The following NXF3 variants were observed in gnomAD, a reference collection of about 807,000 sequenced individuals.
NXF3 encodes the protein nuclear RNA export factor 3.
NXF3 carries 34 observed loss-of-function variants against 48.4 expected under a neutral mutation model. The observed-to-expected ratio is 0.70, with a 90% CI of 0.53 to 0.93. The LOEUF (loss-of-function observed/expected upper bound fraction) is 0.93, where lower values mean the gene tolerates loss of function less well. Ranked by LOEUF, NXF3 falls within the 40% of genes least tolerant of loss-of-function variation. The probability of loss-of-function intolerance (pLI) is 0.00; values close to 1 mark genes in which losing one functional copy is unlikely to be tolerated. For synonymous variants in NXF3, 132 were observed against 145.7 expected, an observed-to-expected ratio of 0.91 and a Z score of 0.68; for missense variants, 359 against 406.1, an observed-to-expected ratio of 0.88 and a Z score of 1.00.
At chrX:103,090,413 G>A (rs1467401194) in intron 1 of NXF3, among the ~76,000 whole-genome samples, 4 of 111,953 alleles carry the variant, frequency 3.6e-5, no homozygotes, top group Non-Finnish European at 5.6e-5. Flanking sequence ...AAATAGAACT[G>A]TTATGATTTG....
At chrX:103,091,115 ACT>A (rs932272770) in intron 1 of NXF3, among the ~76,000 whole-genome samples, 1 of 111,787 alleles carries the variant, frequency 8.9e-6, no homozygotes, top group Admixed American at 9.5e-5. Flanking sequence ...TGTTTTATAT[ACT>A]CTTTTTCCCG....
At chrX:103,084,291 T>A in intron 3 of NXF3, 51 bp downstream of exon 3, 3 of 1,187,335 alleles carry the variant, frequency 2.5e-6, no homozygotes, top group Non-Finnish European at 3.4e-6. Flanking sequence ...TCCAACACAA[T>A]TCCCCCTGTT....
Position 103,093,074 on chromosome X carries a change from G to T in NXF3, c.-51C>A, listed in dbSNP as rs1922317650. 1.1e-5 allele frequency: 12 copies of T among 1,125,295 alleles called. No homozygotes were observed. The highest frequency in any genetic ancestry group is 5.3e-4 in the Middle Eastern group (2 of 3,807). 92.7% of individuals were successfully genotyped at this position (1,125,295 alleles called of 1,213,427 possible). On this transcript the variant is annotated 5_prime_UTR_variant, in exon 1 of 20. Transcript: ENST00000395065. ...CTTGAGGAGAATCTGTGTGGCCTGG[G>T]GACGGGAGTTTGGAGAAGATTGAGG...
In NXF3 at chrX:103,084,855, T is replaced by C; in HGVS notation, c.57A>G (p.Arg19=). 1 of 1,211,952 alleles carries C rather than the reference T, an allele frequency of 8.3e-7. No homozygotes were observed. Among genetic ancestry groups the C allele is most frequent in the Non-Finnish European group, 1.1e-6 (1 of 895,233 alleles). Residue 19 remains arginine, a synonymous_variant, in exon 2 of 20, where the codon AGA becomes AGG. Transcript: ENST00000395065. The stretch of plus-strand genomic sequence containing the variant: ...TTTGGTAAATATCCCAACATCTTGC[T>C]CTTCTTTGAACAACTTGATCAGTGT... ...TGHTDQVVQR[R]ARCWDIYQRR...
In NXF3 at chrX:103,082,293, T is replaced by C. The variant is rs752313028; in HGVS notation, c.852A>G (p.Pro284=). 9.9e-6 allele frequency: 12 copies of C among 1,207,426 alleles called. No homozygotes were observed. The African/African-American group carries it at 1.6e-4, about 16-fold the overall frequency. ...AGGTATCCGAGAAGGTCGTGCACAC[T>C]GGGCTTCTGTCCGCACACTTCTCTC... ...EPGEKCADRS[P]VCTTFSDTSS... The change falls in exon 9 of 20, where the codon CCA becomes CCG. Residue 284 remains proline (P), a synonymous_variant. Transcript: ENST00000395065.
At chrX:103,076,410 G>A (rs1234304689) in intron 18 of NXF3, 109 bp from the exon 19 acceptor site, 1 of 850,716 alleles carries the variant, frequency 1.2e-6, no homozygotes, top group Non-Finnish European at 1.7e-6. Flanking sequence ...TGTGTTTTCT[G>A]GAATTTATTG....
chrX:103,089,196 G>C, intron 1 of NXF3: 1 of 673,304 alleles, frequency 1.5e-6, no homozygotes, highest in African/African-American at 2.1e-5. Flanking sequence ...ATTCCGACAG[G>C]CTCCTCACTG....
At chrX:103,080,755 A>G in intron 9 of NXF3, 143 bp from the exon 10 acceptor site, 1 of 530,635 alleles carries the variant, frequency 1.9e-6, no homozygotes, top group Non-Finnish European at 3.2e-6. Flanking sequence ...AGCCCTGGGC[A>G]GCATTGGGAG....
chrX:103,089,916 T>C (rs1223729006), intron 1 of NXF3, among the ~76,000 whole-genome samples: 1 of 111,223 alleles, frequency 9.0e-6, no homozygotes, highest in African/African-American at 3.3e-5. Context: ...TTTTTTCTTT[T>C]TTTTTTCCCA....
chrX:103,093,077 C>A lies in NXF3; in HGVS notation c.-54G>T. 1.8e-6 allele frequency: 2 copies of A among 1,119,417 alleles called. No individual in the cohort carries two copies. The highest frequency in any genetic ancestry group is 1.2e-6 in the Non-Finnish European group (1 of 814,193). 92.3% of individuals were successfully genotyped at this position (1,119,417 alleles called of 1,213,427 possible). ...GAGGAGAATCTGTGTGGCCTGGGGA[C>A]GGGAGTTTGGAGAAGATTGAGGAGG... On this transcript the variant is annotated 5_prime_UTR_variant, in exon 1 of 20. Coordinates refer to ENST00000395065, the MANE Select transcript of NXF3 (RefSeq NM_022052.2).
chrX:103,079,884 G>A lies in NXF3; in HGVS notation c.1053-14C>T. ...ATCAAGTAATACCTGTTGGAGACCAGTGAGGACAGGCTATCTCTGTGGCCT... is the reference window on the plus strand; with the variant it reads ...ATCAAGTAATACCTGTTGGAGACCAATGAGGACAGGCTATCTCTGTGGCCT... On this transcript the variant is annotated splice_polypyrimidine_tract_variant and intron_variant, in intron 12 of 19. Coordinates refer to ENST00000395065, the MANE Select transcript of NXF3 (RefSeq NM_022052.2). 8.4e-7 allele frequency: 1 copy of A among 1,191,608 alleles called. No homozygotes were observed. The highest frequency in any genetic ancestry group is 1.1e-6 in the Non-Finnish European group (1 of 877,237).
chrX:103,087,908 G>A (rs767586868), intron 1 of NXF3: 15 of 960,061 alleles, frequency 1.6e-5, no homozygotes, highest in Middle Eastern at 3.5e-4. Context: ...ATCCATACTA[G>A]GAATAAGGCT....
At position 103,081,009 on chromosome X, in the gene NXF3, G is replaced by A. The variant is rs185342825; in HGVS notation, c.891-397C>T. Reference sequence around the variant, plus strand: ...CTCAGGAGGCAGAAGGGGAAGGCAGGGGAATGATGGCAGAAACGGGGTGAA... The same window carrying A: ...CTCAGGAGGCAGAAGGGGAAGGCAGAGGAATGATGGCAGAAACGGGGTGAA... On this transcript the variant is annotated intron_variant, in intron 9 of 19. Transcript: ENST00000395065. 829 of 184,800 alleles carry A rather than the reference G, an allele frequency of 4.5e-3. 2 individuals carry two copies. The highest frequency in any genetic ancestry group is 6.9e-3 in the Non-Finnish European group (696 of 100,488). 15.2% of individuals were successfully genotyped at this position (184,800 alleles called of 1,213,427 possible). A position where few individuals can be genotyped will look rare whatever the true frequency, so the allele number is the denominator to read the frequency against.
At chrX:103,083,775 T>C (rs1468252725) in intron 3 of NXF3, 83 bp from the exon 4 acceptor site, 2 of 682,779 alleles carry the variant, frequency 2.9e-6, no homozygotes, top group African/African-American at 4.3e-5. Flanking sequence ...AATATGTTCC[T>C]TTCAGACTTT....
At chrX:103,081,079 A>C in intron 9 of NXF3, 1 of 126,105 alleles carries the variant, frequency 7.9e-6, no homozygotes, top group Admixed American at 8.6e-5. Context: ...AGGAGAGACA[A>C]TGGAGAAACA....
intron 18 of NXF3, among the ~76,000 whole-genome samples, chrX:103,077,056 A>C (rs1032426850): frequency 1.4e-4 from 15 of 111,037 alleles, no homozygotes; most frequent in Non-Finnish European, 2.8e-4. Flanking sequence ...GACAGAATTC[A>C]GAGAAGTACT....
Position 103,084,775 on chromosome X carries a change from T to C in NXF3, c.137A>G (p.His46Arg). 8.3e-7 allele frequency: 1 copy of C among 1,211,970 alleles called. No homozygotes were observed. Among genetic ancestry groups the C allele is most frequent in the Non-Finnish European group, 1.1e-6 (1 of 895,409 alleles). The change falls in exon 2 of 20, where the codon CAT (histidine) becomes CGT (arginine). Residue 46 changes from histidine to arginine, a missense_variant. His to Arg is a conservative substitution (Grantham distance 29). Coordinates refer to ENST00000395065, the MANE Select transcript of NXF3 (RefSeq NM_022052.2). ...TGCTGCATCTCCATCTTGCTGCTGA[T>C]GGGATGAAGAATGCATGCCAGGATT... is the stretch of plus-strand genomic sequence containing the variant. ...PVNPGMHSSS[H>R]QQQDGDAAMH... is the part of the protein sequence containing the mutation.
At chrX:103,087,772 T>C in intron 1 of NXF3, 5 of 933,174 alleles carry the variant, frequency 5.4e-6, no homozygotes, top group Non-Finnish European at 7.7e-6. Flanking sequence ...GTCTCTCGTG[T>C]AGTAAATCTT....
At chrX:103,088,228 A>G (rs1922200024) in intron 1 of NXF3, 1 of 741,622 alleles carries the variant, frequency 1.3e-6, no homozygotes, top group Admixed American at 3.0e-5. Flanking sequence ...TAAACGTGCT[A>G]GGAGTAAAAA....
Sources: gnomAD v4.1 joint callset for allele counts (sites outside exome capture counted in the v4.1 genomes callset) on GRCh38, gnomAD v4.1.1 for gene constraint, MANE v1.5 for transcripts, NCBI Gene and HGNC (gene_info 2026-07-23, HGNC 2026-07-21) for gene names.